Variants in CHL1 observed in about 807,000 individuals in gnomAD.
The protein encoded by CHL1 is cell adhesion molecule L1 like.
A neutral mutation model predicts 141.9 loss-of-function variants in CHL1; 96 were observed. The ratio of observed to expected loss-of-function variants is 0.68; its 90% confidence interval spans 0.57 to 0.80. The LOEUF is 0.80. Ranked by LOEUF, CHL1 falls within the 30% of genes least tolerant of loss-of-function variation. The probability of loss-of-function intolerance (pLI) is 0.00; values close to 1 mark genes in which losing one functional copy is unlikely to be tolerated. For missense variants in CHL1, 1,820 were observed against 1,457.2 expected, an observed-to-expected ratio of 1.25 and a Z score of -4.05; for synonymous variants, 613 against 502.2, an observed-to-expected ratio of 1.22 and a Z score of -2.95.
At chr3:347,976 G>T (rs1271545374) in intron 9 of CHL1, among the ~76,000 whole-genome samples, 1 of 151,864 alleles carries the variant, frequency 6.6e-6, no homozygotes, top group East Asian at 1.9e-4. Flanking sequence ...AATTTTTTTT[G>T]CATAAATAAC....
intron 14 of CHL1, among the ~76,000 whole-genome samples, chr3:364,951 T>G (rs2125287195): frequency 6.6e-6 from 1 of 152,338 alleles, no homozygotes; most frequent in East Asian, 1.9e-4. Flanking sequence ...ATTAAATGAA[T>G]TTCTGGCTTT....
intron 15 of CHL1, among the ~76,000 whole-genome samples, chr3:373,161 C>G (rs147227388): frequency 6.6e-6 from 1 of 152,198 alleles, no homozygotes; most frequent in Non-Finnish European, 1.5e-5. Context: ...AGGGGGAAAC[C>G]GACTTGTCTG....
Position 398,325 on chromosome 3 carries a change from A to T in CHL1, c.3193A>T (p.Thr1065Ser), listed in dbSNP as rs573919808. 3 of 1,608,432 alleles carry T rather than the reference A, an allele frequency of 1.9e-6. No individual in the cohort carries two copies. Among genetic ancestry groups the T allele is most frequent in the East Asian group, 4.5e-5 (2 of 44,830 alleles). ...PGAEHIVRLM[T>S]KNWGDNDSIF... ...AGCTGAACATATAGTTCGCCTAATG[A>T]CTAAGAATTGGGGCGATAATGATAG... The change falls in exon 25 of 28, where the codon ACT becomes TCT. Residue 1065 changes from threonine (T) to serine (S), a missense_variant. Physicochemically the swap from Thr to Ser is moderately conservative, Grantham distance 58. Coordinates refer to ENST00000256509, the MANE Select transcript of CHL1 (RefSeq NM_006614.4).
At chr3:376,291 C>A in intron 15 of CHL1, 2 of 466,316 alleles carry the variant, frequency 4.3e-6, no homozygotes, top group Admixed American at 4.4e-5. Context: ...CTATGTGTGA[C>A]AACTATTTGT....
intron 1 of CHL1, among the ~76,000 whole-genome samples, chr3:229,115 GC>G (rs1292765316): frequency 6.6e-6 from 1 of 152,128 alleles, no homozygotes; most frequent in Admixed American, 6.5e-5. Flanking sequence ...TTTTGCATTA[GC>G]CCCATGTGTT....
At chr3:401,091 A>T (rs1709092375) in intron 26 of CHL1, among the ~76,000 whole-genome samples, 1 of 151,956 alleles carries the variant, frequency 6.6e-6, no homozygotes, top group Non-Finnish European at 1.5e-5. Flanking sequence ...TAATAGAGAC[A>T]GGGTCTTGCT....
intron 2 of CHL1, among the ~76,000 whole-genome samples, chr3:301,255 A>G (rs755753173): frequency 1.3e-5 from 2 of 152,194 alleles, no homozygotes; most frequent in African/African-American, 2.4e-5. Context: ...ACAAATATGC[A>G]TGGCTGGCTT....
chr3:305,822 A>G (rs1699179174), intron 2 of CHL1, among the ~76,000 whole-genome samples: 1 of 151,942 alleles, frequency 6.6e-6, no homozygotes, highest in Non-Finnish European at 1.5e-5. Flanking sequence ...TTCCTTTGCC[A>G]TTATTTTCTG....
intron 10 of CHL1, among the ~76,000 whole-genome samples, chr3:353,774 A>T (rs1360453502): frequency 6.6e-6 from 1 of 152,212 alleles, no homozygotes; most frequent in African/African-American, 2.4e-5. Flanking sequence ...CTTTGGGGAA[A>T]TAACCAAACT....
intron 2 of CHL1, among the ~76,000 whole-genome samples, chr3:261,038 C>T (rs1389352388): frequency 5.3e-5 from 8 of 152,072 alleles, no homozygotes; most frequent in Admixed American, 1.3e-4. Context: ...TGAATGATGA[C>T]CTAAGCTGTT....
At chr3:370,247 A>T (rs1575191498) in intron 15 of CHL1, among the ~76,000 whole-genome samples, 1 of 151,998 alleles carries the variant, frequency 6.6e-6, no homozygotes, top group Non-Finnish European at 1.5e-5. Context: ...TGGCTGGTAG[A>T]CTATTAATTA....
At chr3:370,015 G>A (rs1047717638) in intron 15 of CHL1, among the ~76,000 whole-genome samples, 4 of 152,144 alleles carry the variant, frequency 2.6e-5, no homozygotes, top group Non-Finnish European at 5.9e-5. Context: ...TTTTATTGAG[G>A]ATTTTTGCAT....
chr3:344,911 C>T (rs1001440728), intron 9 of CHL1, among the ~76,000 whole-genome samples: 9 of 152,056 alleles, frequency 5.9e-5, no homozygotes, highest in South Asian at 2.1e-4. Context: ...ATTGCTTGAG[C>T]CCAGGAGTTG....
chr3:282,982 T>G (rs553738858), intron 2 of CHL1, among the ~76,000 whole-genome samples: 4 of 152,346 alleles, frequency 2.6e-5, no homozygotes, highest in Admixed American at 1.3e-4. Context: ...GCCCTGCTTT[T>G]GGGGCATCTG....
intron 1 of CHL1, among the ~76,000 whole-genome samples, chr3:214,240 C>T (rs1383224608): frequency 6.6e-6 from 1 of 152,170 alleles, no homozygotes; most frequent in Non-Finnish European, 1.5e-5. Flanking sequence ...TTCTTCTCTA[C>T]GTTTCAGAGT....
At chr3:254,758 T>A (rs1488076992) in intron 2 of CHL1, among the ~76,000 whole-genome samples, 1 of 152,104 alleles carries the variant, frequency 6.6e-6, no homozygotes, top group South Asian at 2.1e-4. Flanking sequence ...TATTGGAAAG[T>A]GGAAAGGCAA....
chr3:272,878 A>T (rs745950706), intron 2 of CHL1, among the ~76,000 whole-genome samples: 2 of 152,202 alleles, frequency 1.3e-5, no homozygotes, highest in Admixed American at 6.5e-5. Context: ...AATAAGACCA[A>T]GTTTTGCCCT....
chr3:319,933 A>C, intron 3 of CHL1, 66 bp downstream of exon 3: 5 of 847,570 alleles, frequency 5.9e-6, no homozygotes, highest in Non-Finnish European at 9.6e-6. Flanking sequence ...TTTAAGTAGA[A>C]TACTTATGGA....
In CHL1 at chr3:405,679, A is replaced by G; in HGVS notation, c.3643A>G (p.Ser1215Gly). 6.2e-7 allele frequency: 1 copy of G among 1,613,408 alleles called. No individual in the cohort carries two copies. The highest frequency in any genetic ancestry group is 8.5e-7 in the Non-Finnish European group (1 of 1,179,520). Reference sequence around the variant, plus strand: ...GAAGGGATCTGTTGAAAGCAATGGAAGTTCTACAGCAACTTTTCCCCTTCG... The same window carrying G: ...GAAGGGATCTGTTGAAAGCAATGGAGGTTCTACAGCAACTTTTCCCCTTCG... ...KEKGSVESNG[S>G]STATFPLRA The change falls in exon 28 of 28, where the codon AGT (serine) becomes GGT (glycine). Residue 1215 changes from serine (S) to glycine (G), a missense_variant. Coordinates refer to ENST00000256509, the MANE Select transcript of CHL1 (RefSeq NM_006614.4).
Sources: allele counts gnomAD v4.1 joint callset (sites outside exome capture counted in the v4.1 genomes callset), GRCh38; gene constraint gnomAD v4.1.1; transcripts MANE v1.5; gene names NCBI Gene and HGNC (gene_info 2026-07-23, HGNC 2026-07-21).